The following RGS6 variants were observed in gnomAD, a reference collection of about 807,000 sequenced individuals.
RGS6 encodes regulator of G protein signaling 6.
Under a neutral mutation model 78.5 loss-of-function variants are expected in RGS6, and 30 were observed. The ratio of observed to expected loss-of-function variants is 0.38; its 90% CI spans 0.29 to 0.52. The LOEUF is 0.52. Among genes scored for constraint, RGS6 ranks in the 20% least tolerant of loss-of-function variants. RGS6 has a pLI of 0.85. For missense variants in RGS6, 495 were observed against 609.7 expected, an observed-to-expected ratio of 0.81 and a Z score of 1.98; for synonymous variants, 206 against 206.0, an observed-to-expected ratio of 1.00 and a Z score of 0.00.
intron 2 of RGS6, among the ~76,000 whole-genome samples, chr14:72,190,029 T>G (rs1001142639): frequency 6.6e-6 from 1 of 152,206 alleles, no homozygotes; most frequent in African/African-American, 2.4e-5. Context: ...CACCAAACTT[T>G]CCCAGACAAC....
At chr14:71,908,508 G>C in the RGS6 span, 1 of 152,264 alleles carries the variant, frequency 6.6e-6, no homozygotes, top group Admixed American at 6.5e-5. Flanking sequence ...AAATTATTTT[G>C]TAATACTTTC....
At chr14:72,608,106 T>G in the RGS6 span, among the ~76,000 whole-genome samples, 2 of 152,080 alleles carry the variant, frequency 1.3e-5, no homozygotes, top group Non-Finnish European at 2.9e-5. Context: ...TTCCCTCAAT[T>G]TCCCCCTTGA....
At chr14:72,517,345 T>C (rs1356972893) in intron 14 of RGS6, among the ~76,000 whole-genome samples, 1 of 152,282 alleles carries the variant, frequency 6.6e-6, no homozygotes, top group East Asian at 1.9e-4. Context: ...GGCCTGTCCA[T>C]GCACAGGGCA....
chr14:72,544,265 A>G (rs1465785427), intron 17 of RGS6, among the ~76,000 whole-genome samples: 1 of 152,226 alleles, frequency 6.6e-6, no homozygotes, highest in East Asian at 1.9e-4. Context: ...AAGCTGGAGA[A>G]AGTCCTTTGC....
intron 17 of RGS6, among the ~76,000 whole-genome samples, chr14:72,550,295 G>A (rs1237409421): frequency 2.0e-5 from 3 of 152,182 alleles, no homozygotes; most frequent in East Asian, 1.9e-4. Context: ...TCTATCAGGT[G>A]CAGTTGGTGC....
intron 1 of RGS6, among the ~76,000 whole-genome samples, chr14:71,946,937 C>T (rs539210680): frequency 6.6e-6 from 1 of 152,294 alleles, no homozygotes; most frequent in East Asian, 1.9e-4. Context: ...GTCATATTTA[C>T]TGAAAGTAAA....
Position 72,004,181 on chromosome 14 carries a change from T to C in RGS6, c.84+39306T>C, listed in dbSNP as rs560177599. 3.2e-4 allele frequency among the ~76,000 whole-genome samples: 49 copies of C among 152,266 alleles called. 1 individual carries two copies. The highest frequency in any genetic ancestry group is 1.2e-3 in the African/African-American group (48 of 41,568). ...GCATAGTATACATCATCATGGGAAA[T>C]GCCTGGACTTTGGATTGAAAAAAAG... On this transcript the variant is annotated intron_variant, in intron 2 of 17. Transcript: ENST00000553525.
chr14:72,220,707 C>T (rs954695660), intron 2 of RGS6, among the ~76,000 whole-genome samples: 2 of 152,146 alleles, frequency 1.3e-5, no homozygotes, highest in Non-Finnish European at 2.9e-5. Context: ...ATTATTGCCT[C>T]AATGTAGTCT....
chr14:71,986,697 T>G (rs1280834274), intron 2 of RGS6, among the ~76,000 whole-genome samples: 11 of 151,982 alleles, frequency 7.2e-5, no homozygotes, highest in Non-Finnish European at 2.9e-5. Context: ...GGTGACAGAG[T>G]GAGACCCTGT....
At chr14:72,095,343 C>G (rs1437291867) in intron 2 of RGS6, among the ~76,000 whole-genome samples, 2 of 152,106 alleles carry the variant, frequency 1.3e-5, no homozygotes, top group East Asian at 3.9e-4. Flanking sequence ...GACCCAGTTT[C>G]TTTTGTGCTT....
At chr14:72,331,891 G>GA (rs1413568949) in intron 2 of RGS6, among the ~76,000 whole-genome samples, 1 of 152,146 alleles carries the variant, frequency 6.6e-6, no homozygotes, top group African/African-American at 2.4e-5. Flanking sequence ...GTCCCTTAGA[G>GA]AAAAAAGCTG....
At chr14:72,600,560 A>G in the RGS6 span, among the ~76,000 whole-genome samples, 1 of 122,754 alleles carries the variant, frequency 8.1e-6, no homozygotes, top group Non-Finnish European at 1.7e-5. Context: ...AATCTGAAGG[A>G]AGCCAGGCAG....
intron 2 of RGS6, among the ~76,000 whole-genome samples, chr14:72,009,318 C>T (rs546807645): frequency 2.0e-5 from 3 of 152,232 alleles, no homozygotes; most frequent in East Asian, 3.9e-4. Flanking sequence ...ACTGAACTCC[C>T]GCCTAGGTGA....
intron 2 of RGS6, among the ~76,000 whole-genome samples, chr14:72,170,047 C>T (rs2096989298): frequency 6.6e-6 from 1 of 152,134 alleles, no homozygotes; most frequent in Non-Finnish European, 1.5e-5. Context: ...TTGAAGCAGC[C>T]TGTTTAGATT....
chr14:72,543,329 G>A (rs920187073), intron 17 of RGS6, among the ~76,000 whole-genome samples: 1 of 152,152 alleles, frequency 6.6e-6, no homozygotes, highest in South Asian at 2.1e-4. Context: ...CCACGCCACT[G>A]TACATGGCCA....
intron 3 of RGS6, among the ~76,000 whole-genome samples, chr14:72,420,169 C>T (rs1443769531): frequency 2.0e-5 from 3 of 152,240 alleles, no homozygotes; most frequent in African/African-American, 7.2e-5. Flanking sequence ...CTCCAATTTT[C>T]TTTGCACTGA....
chr14:72,458,381 A>T lies in RGS6; in HGVS notation c.342+4A>T, dbSNP rs2095687627. 6.2e-7 allele frequency: 1 copy of T among 1,608,230 alleles called. No homozygotes were observed. The highest frequency in any genetic ancestry group is 1.3e-5 in the African/African-American group (1 of 74,776). ...TGGCACCTTTTATCGTTTCCAGGTA[A>T]GCCTGCTGGCTCCTCCTCCTGAAGA... On this transcript the variant is annotated splice_donor_region_variant and intron_variant, in intron 5 of 17. Coordinates refer to ENST00000553525, the MANE Select transcript of RGS6 (RefSeq NM_001204424.2).
chr14:72,468,912 C>T (rs542742775), intron 7 of RGS6, among the ~76,000 whole-genome samples: 1 of 152,170 alleles, frequency 6.6e-6, no homozygotes, highest in East Asian at 1.9e-4. Flanking sequence ...AACTGAAGCT[C>T]CTTTTATATT....
At chr14:72,183,000 C>A (rs2097194476) in intron 2 of RGS6, among the ~76,000 whole-genome samples, 1 of 152,142 alleles carries the variant, frequency 6.6e-6, no homozygotes, top group Admixed American at 6.5e-5. Context: ...CTCCTTCAGC[C>A]ACATGGTAAG....
Sources: gnomAD v4.1 joint callset for allele counts (sites outside exome capture counted in the v4.1 genomes callset) on GRCh38, gnomAD v4.1.1 for gene constraint, MANE v1.5 for transcripts, NCBI Gene and HGNC (gene_info 2026-07-23, HGNC 2026-07-21) for gene names.